Variants in HERC2 observed in about 807,000 individuals in gnomAD.
The protein encoded by HERC2 is E3 ubiquitin-protein ligase HERC2.
Under a neutral mutation model 537.7 loss-of-function variants are expected in HERC2, and 102 were observed. The ratio of observed to expected loss-of-function variants is 0.19; its 90% CI spans 0.16 to 0.22. The LOEUF (loss-of-function observed/expected upper bound fraction) is 0.22. HERC2 is among the 10% of genes least tolerant of loss of function. The probability of loss-of-function intolerance (pLI) is 1.00; values close to 1 mark genes in which losing one functional copy is unlikely to be tolerated. For missense variants in HERC2, 4,236 were observed against 6,198.2 expected, an observed-to-expected ratio of 0.68 and a Z score of 10.63; for synonymous variants, 2,224 against 2,466.2, an observed-to-expected ratio of 0.90 and a Z score of 2.91.
rs1895329953 is a variant in HERC2, at chr15:28,176,786, T to C, written c.9433-18A>G. 2 of 1,611,662 alleles carry C rather than the reference T, an allele frequency of 1.2e-6. No homozygotes were observed. Among genetic ancestry groups the C allele is most frequent in the Non-Finnish European group, 1.7e-6 (2 of 1,178,456 alleles). ...ACTTTCACCTACTCAATTACAAATT[T>C]AAAAACAGAATCACGCACAGGCACG... On this transcript the variant is annotated intron_variant, in intron 61 of 92. Coordinates refer to ENST00000261609, the MANE Select transcript of HERC2 (RefSeq NM_004667.6). This position sits in a 1 kb window ranked among gnomAD's most constrained non-coding sequence, Gnocchi z 5.0.
At chr15:28,186,842 T>C (rs937080817) in intron 55 of HERC2, 90 bp from the exon 56 acceptor site, 3 of 861,460 alleles carry the variant, frequency 3.5e-6, no homozygotes, top group East Asian at 2.5e-5. Flanking sequence ...GACACGAACA[T>C]GTACACACGG....
In HERC2 at chr15:28,134,515, T is replaced by G. The variant is rs537458268; in HGVS notation, c.12230+963A>C. Among the ~76,000 whole-genome samples, 8 of 152,286 alleles carry G rather than the reference T, an allele frequency of 5.3e-5. 1 individual carries two copies. In the South Asian group the frequency reaches 1.7e-3, roughly 32 times the overall value. ...GCACAATGTTGAAGAGAAGTGGTGATAGCAGACATCCTTGCCTTGATCCTC... is the reference window on the plus strand; with the variant it reads ...GCACAATGTTGAAGAGAAGTGGTGAGAGCAGACATCCTTGCCTTGATCCTC... On this transcript the variant is annotated intron_variant, in intron 79 of 92. Transcript: ENST00000261609.
At chr15:28,207,264 A>C (rs953894341) in intron 44 of HERC2, among the ~76,000 whole-genome samples, 3 of 151,932 alleles carry the variant, frequency 2.0e-5, no homozygotes, top group Admixed American at 6.6e-5. Context: ...CCTTCCCTGT[A>C]GCTGGGACTA....
At chr15:28,309,287 A>T (rs1232516837) in intron 2 of HERC2, among the ~76,000 whole-genome samples, 1 of 152,084 alleles carries the variant, frequency 6.6e-6, no homozygotes, top group Non-Finnish European at 1.5e-5. Flanking sequence ...TTAATGTGTT[A>T]AGGCCTATCT....
chr15:28,256,090 T>C lies in HERC2; in HGVS notation c.2745A>G (p.Ala915=). The change falls in exon 18 of 93, where the codon GCA becomes GCG. Residue 915 remains alanine (A), a splice_region_variant and synonymous_variant. Transcript: ENST00000261609. ...ARALSALLPC[A]VSGNEVNISP... ...CTCCTGTTCCTTCCCCAGGCCCACCTGCGCAGGGCAGGAGAGCAGAGAGTG... is the reference window on the plus strand; with the variant it reads ...CTCCTGTTCCTTCCCCAGGCCCACCCGCGCAGGGCAGGAGAGCAGAGAGTG... The C allele has an allele frequency of 6.2e-7, 1 of 1,603,358 alleles. No individual in the cohort carries two copies. Among genetic ancestry groups the C allele is most frequent in the Non-Finnish European group, 8.5e-7 (1 of 1,178,808 alleles).
intron 2 of HERC2, among the ~76,000 whole-genome samples, chr15:28,307,197 T>C (rs1374088396): frequency 2.0e-5 from 3 of 152,244 alleles, no homozygotes; most frequent in Non-Finnish European, 4.4e-5. Flanking sequence ...TCATAGTCTC[T>C]AATGACCCTT....
At chr15:28,224,134 TACACACACACACACCCAC>T (rs1205928766) in intron 35 of HERC2, among the ~76,000 whole-genome samples, 1 of 5,754 alleles carries the variant, frequency 1.7e-4, no homozygotes, top group East Asian at 6.2e-3. Context: ...TAAAAAATTA[TACACACACACACACCCAC>T]ACACACACAC....
chr15:28,250,540 G>A (rs1171865611), intron 20 of HERC2, among the ~76,000 whole-genome samples: 6 of 152,138 alleles, frequency 3.9e-5, no homozygotes, highest in South Asian at 2.1e-4. Context: ...ACTTCACAGC[G>A]CTCTATTTTC....
In HERC2 at chr15:28,113,737, C is replaced by T; in HGVS notation, c.13914-59G>A. The T allele has an allele frequency of 2.1e-6, 3 of 1,400,694 alleles. No homozygotes were observed. Among genetic ancestry groups the T allele is most frequent in the Non-Finnish European group, 3.0e-6 (3 of 994,980 alleles). 86.8% of individuals were successfully genotyped at this position (1,400,694 alleles called of 1,614,324 possible). On this transcript the variant is annotated intron_variant, in intron 90 of 92. Coordinates refer to ENST00000261609, the MANE Select transcript of HERC2 (RefSeq NM_004667.6). The surrounding 1 kb of genome is among the most constrained non-coding windows in gnomAD (Gnocchi z 7.0). ...TCAGTGACACTGACTTTATGCTGCT[C>T]ACACCAAGCCTTGGCATGCAGCACT...
chr15:28,165,059 G>A (rs546771845), intron 68 of HERC2, among the ~76,000 whole-genome samples: 1 of 152,368 alleles, frequency 6.6e-6, no homozygotes, highest in Non-Finnish European at 1.5e-5. Context: ...CACATGAGCA[G>A]GGGCTGGCCT....
rs773179767 is a variant in HERC2 at position 28,256,210 on chromosome 15, A to C, written c.2625T>G (p.Ser875Arg). 6.2e-7 allele frequency: 1 copy of C among 1,600,528 alleles called. No homozygotes were observed. Among genetic ancestry groups the C allele is most frequent in the Non-Finnish European group, 8.5e-7 (1 of 1,179,884 alleles). The part of the protein sequence containing the change: ...LKQTVVTLAS[S>R]AGVLSTVQSA... ...ACTGCACGGTGCTCAGCACGCCCGC[A>C]CTGCTGGCCAGGGTCACCACCGTCT... The change falls in exon 18 of 93, where the codon AGT (serine) becomes AGG (arginine). Residue 875 changes from serine to arginine, a missense_variant. This residue lies in a region of HERC2 where 754 missense variants were observed against 1,085.0 expected (regional missense o/e 0.69). Coordinates refer to ENST00000261609, the MANE Select transcript of HERC2 (RefSeq NM_004667.6).
chr15:28,258,580 T>A (rs894799217), intron 16 of HERC2, among the ~76,000 whole-genome samples: 3 of 152,148 alleles, frequency 2.0e-5, no homozygotes, highest in African/African-American at 7.2e-5. Flanking sequence ...GTAGGTTTAA[T>A]TAAAGCACTG....
Position 28,263,040 on chromosome 15 carries a change from T to A in HERC2, c.2000A>T (p.Gln667Leu). Residue 667 changes from glutamine to leucine, a missense_variant, in exon 15 of 93, where the codon CAG becomes CTG. Around this residue, in one of 27 missense-constraint regions of HERC2, gnomAD observed 754 missense variants for 1,085.0 expected, o/e 0.69. Transcript: ENST00000261609. ...ATCTTTCGTCAAAGCAATGGAAAAC[T>A]GACTTCCACAGCGGACTTTGACCAC... ...LDVVKVRCGS[Q>L]FSIALTKDGQ... 6.2e-7 allele frequency: 1 copy of A among 1,614,206 alleles called. No homozygotes were observed. The highest frequency in any genetic ancestry group is 8.5e-7 in the Non-Finnish European group (1 of 1,180,038).
At chr15:28,138,754 G>C (rs1366925418) in intron 78 of HERC2, among the ~76,000 whole-genome samples, 3 of 152,102 alleles carry the variant, frequency 2.0e-5, no homozygotes, top group African/African-American at 7.2e-5. Flanking sequence ...TTCAAATCTT[G>C]TTATTTAAGA....
chr15:28,306,055 T>C (rs568859866), intron 2 of HERC2, among the ~76,000 whole-genome samples: 30 of 152,218 alleles, frequency 2.0e-4, no homozygotes, highest in Admixed American at 1.0e-3. Context: ...TGTGGAGAAA[T>C]AGGAACACTT....
intron 2 of HERC2, among the ~76,000 whole-genome samples, chr15:28,303,942 G>A (rs890782478): frequency 1.3e-5 from 2 of 152,112 alleles, no homozygotes; most frequent in Non-Finnish European, 2.9e-5. Flanking sequence ...AAGGCAGGCG[G>A]ATCACCTGAG....
chr15:28,131,193 G>A (rs898235191), intron 81 of HERC2, among the ~76,000 whole-genome samples: 1 of 152,168 alleles, frequency 6.6e-6, no homozygotes, highest in Non-Finnish European at 1.5e-5. Flanking sequence ...ATGTGGTAGG[G>A]CTCTAGTGTC....
intron 17 of HERC2, 65 bp from the exon 18 acceptor site, chr15:28,256,382 A>G: frequency 3.8e-6 from 4 of 1,056,542 alleles, no homozygotes; most frequent in Non-Finnish European, 5.5e-6. Context: ...AAGTCTTATT[A>G]AACACTGAAT....
chr15:28,213,853 G>A lies in HERC2; in HGVS notation c.6675C>T (p.His2225=), dbSNP rs145730767. 1.7e-4 allele frequency: 277 copies of A among 1,613,992 alleles called. 1 individual carries two copies. In the African/African-American group the frequency reaches 2.8e-3, roughly 16 times the overall value. ...GRLRLGGQVM[H]DEFGEGTVTR... The stretch of plus-strand genomic sequence containing the variant: ...TCACAGTGCCTTCTCCAAACTCATC[G>A]TGCATAACTTGACCGCCCAGGCGCA... The change falls in exon 42 of 93, where the codon CAC becomes CAT. Residue 2225 remains histidine, a synonymous_variant. Coordinates refer to ENST00000261609, the MANE Select transcript of HERC2 (RefSeq NM_004667.6).
Sources: gnomAD v4.1 joint callset for allele counts (sites outside exome capture counted in the v4.1 genomes callset) on GRCh38, gnomAD v4.1.1 for gene constraint, gnomAD v4.1.1 regional missense constraint, Gnocchi (gnomAD v3.1) non-coding constraint, MANE v1.5 for transcripts, NCBI Gene and HGNC (gene_info 2026-07-23, HGNC 2026-07-21) for gene names.